Variants in C8orf34 observed in about 807,000 individuals in gnomAD.
The protein encoded by C8orf34 is uncharacterized protein C8orf34.
In C8orf34, 65 loss-of-function variants were observed where a neutral mutation model predicts 68.3. That is an observed-to-expected ratio of 0.95 (90% CI 0.78 to 1.17). The LOEUF is 1.17. Ranked by LOEUF, C8orf34 falls within the 50% of genes most tolerant of loss-of-function variation. The pLI is 0.00. For missense variants in C8orf34, 664 were observed against 655.4 expected (o/e 1.01, Z -0.14); for synonymous variants, 244 against 241.2 (o/e 1.01, Z -0.11).
In C8orf34 at chr8:68,576,043, CAA is replaced by C. The variant is rs1816895726; in HGVS notation, c.1105+42896_1105+42897del. Among the ~76,000 whole-genome samples the C allele has an allele frequency of 1.4e-5, 2 of 140,228 alleles. 1 individual carries two copies. Among genetic ancestry groups the C allele is most frequent in the South Asian group, 4.9e-4 (2 of 4,046 alleles). The allele number at this position is 140,228 out of a possible 152,430, so 92.0% of individuals were successfully genotyped here. ...GGACGTCAGAAATGGCTGCCAATCA[CAA>C]AGTTTTCTAGGACCTGTACAATAGT... On this transcript the variant is annotated intron_variant, in intron 7 of 13. Transcript: ENST00000518698.
intron 4 of C8orf34, among the ~76,000 whole-genome samples, chr8:68,474,782 T>C (rs1812531260): frequency 6.6e-6 from 1 of 152,220 alleles, no homozygotes; most frequent in Non-Finnish European, 1.5e-5. Flanking sequence ...ATGGGGCAGG[T>C]TTCTAATGCA....
chr8:68,798,031 TG>T (rs1824227630), intron 12 of C8orf34, among the ~76,000 whole-genome samples: 1 of 151,862 alleles, frequency 6.6e-6, no homozygotes, highest in African/African-American at 2.4e-5. Context: ...GCTAGAAAAA[TG>T]AGCTCTTAAA....
chr8:68,337,562 G>A lies in C8orf34; in HGVS notation c.327+6223G>A, dbSNP rs550719075. On this transcript the variant is annotated intron_variant, in intron 1 of 13. Transcript: ENST00000518698. ...GGAAAGTTGACAAAATTTGAATGTGGTCTCTATGTGAATGGAATAAGGAAT... is the reference window on the plus strand; with the variant it reads ...GGAAAGTTGACAAAATTTGAATGTGATCTCTATGTGAATGGAATAAGGAAT... 8.5e-5 allele frequency among the ~76,000 whole-genome samples: 13 copies of A among 152,206 alleles called. No individual in the cohort carries two copies. The South Asian group carries it at 2.5e-3, about 29-fold the overall frequency.
intron 10 of C8orf34, among the ~76,000 whole-genome samples, chr8:68,747,904 T>C (rs1445779684): frequency 2.6e-5 from 4 of 151,944 alleles, no homozygotes; most frequent in African/African-American, 7.3e-5. Flanking sequence ...TCATATGGAA[T>C]CAAAAAAGAG....
chr8:68,527,180 C>G (rs992822935), intron 6 of C8orf34, among the ~76,000 whole-genome samples: 4 of 152,118 alleles, frequency 2.6e-5, no homozygotes, highest in African/African-American at 9.7e-5. Context: ...CAGGATGCCC[C>G]CTTTGTGTTC....
At chr8:68,696,149 G>C (rs1156379223) in intron 8 of C8orf34, among the ~76,000 whole-genome samples, 3 of 150,984 alleles carry the variant, frequency 2.0e-5, no homozygotes, top group Non-Finnish European at 2.9e-5. Context: ...CTGTGTGACA[G>C]TGAGATCCTG....
At chr8:68,347,783 T>G (rs1487083439) in intron 1 of C8orf34, among the ~76,000 whole-genome samples, 1 of 152,164 alleles carries the variant, frequency 6.6e-6, no homozygotes, top group Non-Finnish European at 1.5e-5. Context: ...TGTCTGTTCA[T>G]GTCCTTTGCC....
chr8:68,342,725 T>C (rs1034013758), intron 1 of C8orf34, among the ~76,000 whole-genome samples: 3 of 152,174 alleles, frequency 2.0e-5, no homozygotes, highest in Admixed American at 6.5e-5. Context: ...AGTCACTTAG[T>C]AGCAGTCTCA....
At chr8:68,664,849 C>G (rs2130821610) in intron 8 of C8orf34, among the ~76,000 whole-genome samples, 1 of 152,124 alleles carries the variant, frequency 6.6e-6, no homozygotes, top group African/African-American at 2.4e-5. Context: ...GTTCATGATT[C>G]CCATCTGCTA....
chr8:68,358,058 C>T (rs561374238), intron 1 of C8orf34, among the ~76,000 whole-genome samples: 1 of 152,072 alleles, frequency 6.6e-6, no homozygotes, highest in Non-Finnish European at 1.5e-5. Context: ...ATTTATGCTT[C>T]CTTGGAAAAT....
At chr8:68,387,249 G>T (rs1808300464) in intron 1 of C8orf34, among the ~76,000 whole-genome samples, 1 of 152,120 alleles carries the variant, frequency 6.6e-6, no homozygotes, top group African/African-American at 2.4e-5. Context: ...TGACATTTGG[G>T]TAGGAGAGTG....
intron 5 of C8orf34, among the ~76,000 whole-genome samples, chr8:68,516,153 T>C (rs1187690928): frequency 6.6e-6 from 1 of 152,222 alleles, no homozygotes; most frequent in African/African-American, 2.4e-5. Context: ...GTAGACATTC[T>C]TCTTATATGG....
intron 8 of C8orf34, among the ~76,000 whole-genome samples, chr8:68,701,936 T>G (rs751409958): frequency 1.1e-4 from 16 of 152,014 alleles, no homozygotes; most frequent in South Asian, 2.1e-4. Flanking sequence ...TCTTCAAGTT[T>G]AGGCTCACAG....
At position 68,350,825 on chromosome 8, in the gene C8orf34, G is replaced by A. The variant is rs140308201; in HGVS notation, c.327+19486G>A. The stretch of plus-strand genomic sequence containing the variant: ...CCATTTGCTTGGTAGATTTTCCTCC[G>A]TCCCTTTATTTTGAGCCTATGAATG... On this transcript the variant is annotated intron_variant, in intron 1 of 13. Coordinates refer to ENST00000518698, the MANE Select transcript of C8orf34 (RefSeq NM_052958.4). Among the ~76,000 whole-genome samples the A allele has an allele frequency of 4.7e-3, 716 of 151,774 alleles. 1 individual carries two copies. Among genetic ancestry groups the A allele is most frequent in the Non-Finnish European group, 8.2e-3 (559 of 67,780 alleles).
At chr8:68,518,623 T>A (rs984658901) in intron 5 of C8orf34, among the ~76,000 whole-genome samples, 1 of 151,926 alleles carries the variant, frequency 6.6e-6, no homozygotes, top group African/African-American at 2.4e-5. Flanking sequence ...TGTGGCCGGG[T>A]GCGGTGGTTC....
intron 3 of C8orf34, among the ~76,000 whole-genome samples, chr8:68,467,828 G>C (rs1334462069): frequency 6.6e-6 from 1 of 151,984 alleles, no homozygotes; most frequent in Admixed American, 6.6e-5. Context: ...CTTAGGCCAA[G>C]TGTTGCCTTT....
intron 7 of C8orf34, among the ~76,000 whole-genome samples, chr8:68,595,140 T>TAA (rs1563550825): frequency 1.2e-4 from 18 of 150,070 alleles, no homozygotes; most frequent in African/African-American, 3.9e-4. Context: ...AAAAAAAATT[T>TAA]TTTTTTTTAC....
chr8:68,370,802 A>G (rs1029151806), intron 1 of C8orf34, among the ~76,000 whole-genome samples: 4 of 152,168 alleles, frequency 2.6e-5, no homozygotes, highest in African/African-American at 9.7e-5. Context: ...CCAGCTCAAT[A>G]TAATGTTATA....
At chr8:68,348,560 G>A (rs1261858904) in intron 1 of C8orf34, among the ~76,000 whole-genome samples, 2 of 152,058 alleles carry the variant, frequency 1.3e-5, no homozygotes, top group Non-Finnish European at 2.9e-5. Flanking sequence ...GGGCAGTCTA[G>A]TCATTTTAAT....
Sources: gnomAD v4.1 joint callset for allele counts (sites outside exome capture counted in the v4.1 genomes callset) on GRCh38, gnomAD v4.1.1 for gene constraint, MANE v1.5 for transcripts, NCBI Gene and HGNC (gene_info 2026-07-23, HGNC 2026-07-21) for gene names.